The following HECTD2 variants were observed in gnomAD, a reference collection of about 807,000 sequenced individuals.
The protein encoded by HECTD2 is HECT domain E3 ubiquitin protein ligase 2, also known as probable E3 ubiquitin-protein ligase HECTD2.
In HECTD2, 35 loss-of-function variants were observed where a neutral mutation model predicts 103.2. That is an observed-to-expected ratio of 0.34 (90% CI 0.26 to 0.45). The LOEUF (loss-of-function observed/expected upper bound fraction) is 0.45. Ranked by LOEUF, HECTD2 falls within the 20% of genes least tolerant of loss-of-function variation. HECTD2 has a pLI of 1.00. For synonymous variants in HECTD2, 281 were observed against 329.9 expected (o/e 0.85, Z 1.61); for missense variants, 596 against 937.4 (o/e 0.64, Z 4.76).
intron 1 of HECTD2, 58 bp from the exon 2 acceptor site, chr10:91,425,223 A>G (rs893998545): frequency 1.6e-6 from 2 of 1,281,804 alleles, no homozygotes; most frequent in Middle Eastern, 2.0e-4. Context: ...GATTTTTGCA[A>G]TAAAATAATT....
chr10:91,469,416 C>T (rs112808115), intron 5 of HECTD2, among the ~76,000 whole-genome samples: 9 of 152,312 alleles, frequency 5.9e-5, no homozygotes, highest in African/African-American at 1.9e-4. Flanking sequence ...TGAGCAGAAA[C>T]CCTTCAAGAC....
intron 5 of HECTD2, among the ~76,000 whole-genome samples, chr10:91,474,547 T>C (rs1218465854): frequency 6.6e-6 from 1 of 152,136 alleles, no homozygotes; most frequent in African/African-American, 2.4e-5. Flanking sequence ...ATTGGGAAGG[T>C]TATACAGAAG....
At chr10:91,472,291 A>T (rs1845755563) in intron 5 of HECTD2, among the ~76,000 whole-genome samples, 1 of 152,230 alleles carries the variant, frequency 6.6e-6, no homozygotes, top group African/African-American at 2.4e-5. Context: ...CTTTCACAAT[A>T]TACAAAAATC....
chr10:91,486,119 A>G (rs1846257351), intron 10 of HECTD2: 3 of 152,124 alleles, frequency 2.0e-5, no homozygotes, highest in African/African-American at 7.2e-5. Flanking sequence ...TACAGTGTGG[A>G]TATAAGTAAC....
At chr10:91,436,667 T>C (rs773837070) in intron 2 of HECTD2, among the ~76,000 whole-genome samples, 2 of 152,042 alleles carry the variant, frequency 1.3e-5, no homozygotes, top group East Asian at 1.9e-4. Context: ...GGAAGAGATC[T>C]AGGGAGCTAA....
intron 20 of HECTD2, among the ~76,000 whole-genome samples, chr10:91,502,523 T>A (rs1401359562): frequency 6.6e-6 from 1 of 152,186 alleles, no homozygotes; most frequent in African/African-American, 2.4e-5. Context: ...CTCCAAGTAA[T>A]CACACATGGT....
chr10:91,502,983 G>A (rs1846964906), intron 20 of HECTD2, among the ~76,000 whole-genome samples: 1 of 152,064 alleles, frequency 6.6e-6, no homozygotes, highest in Admixed American at 6.6e-5. Context: ...CAAAAGACAA[G>A]GACAACACTC....
At chr10:91,434,046 T>C (rs1329384185) in intron 2 of HECTD2, among the ~76,000 whole-genome samples, 1 of 152,020 alleles carries the variant, frequency 6.6e-6, no homozygotes, top group African/African-American at 2.4e-5. Flanking sequence ...ATTACAGTTT[T>C]ATAAACACAC....
chr10:91,504,789 ACTC>A (rs1347496759), intron 20 of HECTD2, among the ~76,000 whole-genome samples: 1 of 151,754 alleles, frequency 6.6e-6, no homozygotes, highest in Non-Finnish European at 1.5e-5. Context: ...CCACAAAGAT[ACTC>A]CTCGAGAAGA....
intron 5 of HECTD2, among the ~76,000 whole-genome samples, chr10:91,465,434 C>A (rs1589513956): frequency 1.3e-5 from 2 of 152,034 alleles, no homozygotes; most frequent in East Asian, 3.9e-4. Flanking sequence ...TTTCTAAATA[C>A]CATGTCACAC....
chr10:91,512,242 T>C, intron 20 of HECTD2, 22 bp from the exon 21 acceptor site: 1 of 1,606,182 alleles, frequency 6.2e-7, no homozygotes, highest in East Asian at 2.2e-5. Flanking sequence ...ACTTAGTATT[T>C]TTTTTTAATT....
intron 5 of HECTD2, among the ~76,000 whole-genome samples, chr10:91,475,321 G>T (rs1002368482): frequency 6.6e-6 from 1 of 152,208 alleles, no homozygotes; most frequent in African/African-American, 2.4e-5. Flanking sequence ...AAAACTTCCA[G>T]TACATTGGAT....
Position 91,500,989 on chromosome 10 carries a change from T to C in HECTD2, c.2067-202T>C, listed in dbSNP as rs141995546. 9.6e-4 allele frequency among the ~76,000 whole-genome samples: 146 copies of C among 151,980 alleles called. 1 individual carries two copies. The East Asian group carries it at 0.021, about 22-fold the overall frequency. ...CCTGTACTATCCACTGCTGAACTTA[T>C]ATACTTTTATAAAAATATTATTTTA... On this transcript the variant is annotated intron_variant, in intron 19 of 20. Transcript: ENST00000298068.
upstream of HECTD2, among the ~76,000 whole-genome samples, chr10:91,409,617 A>AG (rs963849899): frequency 1.3e-5 from 2 of 151,638 alleles, no homozygotes; most frequent in Admixed American, 6.6e-5. Flanking sequence ...GGAAGGGGAA[A>AG]GGGGGGGCCC....
At chr10:91,500,126 C>T (rs564414407) in intron 18 of HECTD2, among the ~76,000 whole-genome samples, 1 of 152,110 alleles carries the variant, frequency 6.6e-6, no homozygotes, top group African/African-American at 2.4e-5. Flanking sequence ...ACCAAGTGCC[C>T]AAACTCTACA....
At position 91,440,206 on chromosome 10, in the gene HECTD2, G is replaced by A. The variant is rs1479129166; in HGVS notation, c.268+14796G>A. 2.6e-5 allele frequency among the ~76,000 whole-genome samples: 4 copies of A among 152,254 alleles called. No individual in the cohort carries two copies. In the South Asian group the frequency reaches 6.2e-4, roughly 24 times the overall value. ...CTTTTGCCCATTCAGTATGATATTA[G>A]CTGCGGCTTTGTCATAAATAGCTCT... On this transcript the variant is annotated intron_variant, in intron 2 of 20. Coordinates refer to ENST00000298068, the MANE Select transcript of HECTD2 (RefSeq NM_182765.6).
At chr10:91,438,090 C>CTTTTTTT (rs557344747) in intron 2 of HECTD2, among the ~76,000 whole-genome samples, 1 of 146,504 alleles carries the variant, frequency 6.8e-6, no homozygotes. Context: ...CTTAAGCCAT[C>CTTTTTTT]TTTTTTTTTT....
intron 6 of HECTD2, 106 bp from the exon 7 acceptor site, chr10:91,480,987 TG>T: frequency 1.5e-6 from 1 of 652,690 alleles, no homozygotes; most frequent in Non-Finnish European, 2.7e-6. Flanking sequence ...TCCTAGTTTT[TG>T]GCTTTTCTCA....
At position 91,493,484 on chromosome 10, in the gene HECTD2, T is replaced by C; in HGVS notation, c.1497T>C (p.Tyr499=). ...TTAGCAGCTTTAAATGTGATAACTA[T>C]TCTGAATTCCGATTGGTTGGAATTG... ...HWFSSFKCDN[Y]SEFRLVGILM... The change falls in exon 14 of 21, where the codon TAT becomes TAC. Residue 499 remains tyrosine (Y), a synonymous_variant. Transcript: ENST00000298068. 1 of 1,554,426 alleles carries C rather than the reference T, an allele frequency of 6.4e-7. No individual in the cohort carries two copies. The highest frequency in any genetic ancestry group is 8.7e-7 in the Non-Finnish European group (1 of 1,150,822).
Sources: allele counts gnomAD v4.1 joint callset (sites outside exome capture counted in the v4.1 genomes callset), GRCh38; gene constraint gnomAD v4.1.1; transcripts MANE v1.5; gene names NCBI Gene and HGNC (gene_info 2026-07-23, HGNC 2026-07-21).